GABRB2: variants seen among roughly 807,000 people sequenced by gnomAD.
GABRB2 encodes gamma-aminobutyric acid type A receptor subunit beta2.
Under a neutral mutation model 54.7 loss-of-function variants are expected in GABRB2, and 16 were observed. That is an observed-to-expected ratio of 0.29 (90% confidence interval 0.20 to 0.44). The LOEUF is 0.44. GABRB2 is among the 20% of genes least tolerant of loss of function. GABRB2 has a pLI of 1.00. For missense variants in GABRB2, 355 were observed against 644.0 expected, an observed-to-expected ratio of 0.55 and a Z score of 4.86; for synonymous variants, 244 against 233.8, an observed-to-expected ratio of 1.04 and a Z score of -0.40.
intron 9 of GABRB2, among the ~76,000 whole-genome samples, chr5:161,296,740 G>A (rs953524936): frequency 7.9e-5 from 12 of 152,206 alleles, no homozygotes; most frequent in Admixed American, 2.6e-4. Flanking sequence ...TGAGAAAGAC[G>A]GAATTGCTGC....
chr5:161,487,075 T>C (rs1758947677), intron 3 of GABRB2, among the ~76,000 whole-genome samples: 1 of 151,930 alleles, frequency 6.6e-6, no homozygotes, highest in Non-Finnish European at 1.5e-5. Context: ...GAACAAAGAA[T>C]TGATATTCTT....
At chr5:161,407,959 G>A (rs550709738) in intron 5 of GABRB2, among the ~76,000 whole-genome samples, 50 of 152,138 alleles carry the variant, frequency 3.3e-4, no homozygotes, top group African/African-American at 1.1e-3. Flanking sequence ...TGAAGTCGGT[G>A]TAGTCCATAT....
rs1759425998 is a variant in GABRB2 at position 161,501,130 on chromosome 5, ATAAGTGGCCCTGTAAAAACATTCAT to A, written c.238-41311_238-41287del. On this transcript the variant is annotated intron_variant, in intron 3 of 9. Transcript: ENST00000393959. ...AGTGTAACATCTGAAAAGGTCCTGA[ATAAGTGGCCCTGTAAAAACATTCAT>A]TATAAACTCACTGAATAAATTATAA... Among the ~76,000 whole-genome samples, 4 of 152,296 alleles carry A rather than the reference ATAAGTGGCCCTGTAAAAACATTCAT, an allele frequency of 2.6e-5. No homozygotes were observed. In the South Asian group the frequency reaches 8.3e-4, roughly 32 times the overall value.
chr5:161,469,108 T>G (rs927651539), intron 3 of GABRB2, among the ~76,000 whole-genome samples: 1 of 151,930 alleles, frequency 6.6e-6, no homozygotes, highest in Non-Finnish European at 1.5e-5. Context: ...ATATTAATAG[T>G]AGTATCTCTG....
At chr5:161,363,982 C>T (rs1754899748) in intron 5 of GABRB2, among the ~76,000 whole-genome samples, 1 of 152,092 alleles carries the variant, frequency 6.6e-6, no homozygotes, top group African/African-American at 2.4e-5. Flanking sequence ...TCGTAAGATT[C>T]ATTTTCCTGT....
intron 5 of GABRB2, among the ~76,000 whole-genome samples, chr5:161,381,725 T>C (rs953430502): frequency 6.6e-6 from 1 of 152,164 alleles, no homozygotes; most frequent in African/African-American, 2.4e-5. Flanking sequence ...TAAAGTATAC[T>C]GAAGAGGTTA....
chr5:161,445,427 C>T (rs547981957), intron 4 of GABRB2, among the ~76,000 whole-genome samples: 43 of 152,132 alleles, frequency 2.8e-4, no homozygotes, highest in African/African-American at 1.0e-3. Flanking sequence ...CTAAGCCCCC[C>T]AATCCCCACC....
At chr5:161,465,630 T>C (rs1265128722) in intron 3 of GABRB2, among the ~76,000 whole-genome samples, 3 of 152,098 alleles carry the variant, frequency 2.0e-5, no homozygotes, top group Non-Finnish European at 4.4e-5. Context: ...TGTGTCTGTG[T>C]TTCTTATCTT....
At chr5:161,386,395 C>T (rs1343424594) in intron 5 of GABRB2, among the ~76,000 whole-genome samples, 2 of 152,004 alleles carry the variant, frequency 1.3e-5, no homozygotes, top group Admixed American at 1.3e-4. Flanking sequence ...CTGCGAACTC[C>T]CCATATTCCT....
chr5:161,297,820 G>A (rs1410674733), intron 9 of GABRB2, among the ~76,000 whole-genome samples: 5 of 152,096 alleles, frequency 3.3e-5, no homozygotes, highest in Non-Finnish European at 7.4e-5. Flanking sequence ...GCTGGGTCAA[G>A]CGGTATTTCT....
intron 5 of GABRB2, among the ~76,000 whole-genome samples, chr5:161,366,902 C>T (rs1339283432): frequency 3.9e-5 from 6 of 152,058 alleles, no homozygotes; most frequent in Non-Finnish European, 8.8e-5. Context: ...AATCCGAGAT[C>T]GCACCAATGC....
intron 9 of GABRB2, among the ~76,000 whole-genome samples, chr5:161,299,496 A>G (rs1307863694): frequency 6.6e-6 from 1 of 152,180 alleles, no homozygotes; most frequent in Non-Finnish European, 1.5e-5. Flanking sequence ...GCTAATTTGG[A>G]AAGAAGCCAA....
intron 5 of GABRB2, among the ~76,000 whole-genome samples, chr5:161,346,403 A>G (rs1164548493): frequency 6.6e-6 from 1 of 152,158 alleles, no homozygotes; most frequent in African/African-American, 2.4e-5. Context: ...ATAATGGAAG[A>G]TGTTTAAATT....
At chr5:161,298,252 C>T (rs1757439595) in intron 9 of GABRB2, among the ~76,000 whole-genome samples, 1 of 152,156 alleles carries the variant, frequency 6.6e-6, no homozygotes, top group Non-Finnish European at 1.5e-5. Context: ...ATGATCATTT[C>T]TTTTGCTGTG....
chr5:161,356,065 A>G (rs939811067), intron 5 of GABRB2, among the ~76,000 whole-genome samples: 5 of 152,246 alleles, frequency 3.3e-5, no homozygotes, highest in Middle Eastern at 3.4e-3. Context: ...AGCAAGGATG[A>G]GGTGATTTAA....
At chr5:161,365,314 A>C (rs1456816137) in intron 5 of GABRB2, among the ~76,000 whole-genome samples, 1 of 152,182 alleles carries the variant, frequency 6.6e-6, no homozygotes, top group African/African-American at 2.4e-5. Context: ...AGTCCGTATT[A>C]AGTTCCCTCT....
intron 3 of GABRB2, among the ~76,000 whole-genome samples, chr5:161,542,782 G>A (rs1760860591): frequency 6.6e-6 from 1 of 152,170 alleles, no homozygotes; most frequent in South Asian, 2.1e-4. Context: ...CAATTTTGAA[G>A]TTTCATTTAA....
intron 3 of GABRB2, among the ~76,000 whole-genome samples, chr5:161,489,148 C>T (rs1018019457): frequency 2.0e-5 from 3 of 151,604 alleles, no homozygotes; most frequent in Non-Finnish European, 4.4e-5. Flanking sequence ...AGTAACAAAG[C>T]CATAAGTAAT....
At position 161,438,768 on chromosome 5, in the gene GABRB2, C is replaced by T. The variant is rs575596668; in HGVS notation, c.458+20856G>A. On this transcript the variant is annotated intron_variant, in intron 4 of 9. Coordinates refer to ENST00000393959, the MANE Select transcript of GABRB2 (RefSeq NM_001371727.1). Reference sequence around the variant, plus strand: ...AATGCAATTGGCATACCAAAGAATGCATCAGGGTCCCCTAATAGCAGAATG... The same window carrying T: ...AATGCAATTGGCATACCAAAGAATGTATCAGGGTCCCCTAATAGCAGAATG... Among the ~76,000 whole-genome samples, 7 of 151,996 alleles carry T rather than the reference C, an allele frequency of 4.6e-5. No homozygotes were observed. The South Asian group carries it at 1.5e-3, about 32-fold the overall frequency.
Sources: gnomAD v4.1 joint callset for allele counts (sites outside exome capture counted in the v4.1 genomes callset) on GRCh38, gnomAD v4.1.1 for gene constraint, MANE v1.5 for transcripts, NCBI Gene and HGNC (gene_info 2026-07-23, HGNC 2026-07-21) for gene names.